The following MARCHF10 variants were observed in gnomAD, a reference collection of about 807,000 sequenced individuals.
MARCHF10 encodes probable E3 ubiquitin-protein ligase MARCHF10.
Under a neutral mutation model 76.2 loss-of-function variants are expected in MARCHF10, and 64 were observed. The observed-to-expected ratio is 0.84, with a 90% CI of 0.69 to 1.03. The LOEUF is 1.03. Among genes scored for constraint, MARCHF10 ranks in the 50% least tolerant of loss-of-function variants. The pLI is 0.00. For synonymous variants in MARCHF10, 340 were observed against 357.5 expected (o/e 0.95, Z 0.55); for missense variants, 875 against 958.0 (o/e 0.91, Z 1.14).
intron 8 of MARCHF10, among the ~76,000 whole-genome samples, chr17:62,720,451 G>A (rs1050897795): frequency 6.6e-6 from 1 of 152,164 alleles, no homozygotes; most frequent in Admixed American, 6.5e-5. Context: ...GGGACAAGAT[G>A]GCTAGAGAGG....
At chr17:62,794,623 T>C (rs932110947) in intron 2 of MARCHF10, among the ~76,000 whole-genome samples, 23 of 152,202 alleles carry the variant, frequency 1.5e-4, no homozygotes, top group Admixed American at 8.5e-4. Context: ...TCCTTTTGTT[T>C]CTTTCATTAT....
intron 5 of MARCHF10, among the ~76,000 whole-genome samples, chr17:62,741,201 T>C (rs577914224): frequency 6.6e-5 from 10 of 152,352 alleles, no homozygotes; most frequent in African/African-American, 2.2e-4. Context: ...TAAAGGTATA[T>C]ATTATAATTT....
intron 10 of MARCHF10, among the ~76,000 whole-genome samples, chr17:62,704,208 GGCGGGGAGCC>G (rs1055629829): frequency 6.6e-6 from 1 of 151,540 alleles, no homozygotes; most frequent in Admixed American, 6.6e-5. Flanking sequence ...GGCGGGCGGC[GGCGGGGAGCC>G]GCGGGGCCGA....
intron 3 of MARCHF10, among the ~76,000 whole-genome samples, chr17:62,769,255 G>C (rs2092396561): frequency 6.6e-6 from 1 of 152,132 alleles, no homozygotes; most frequent in Non-Finnish European, 1.5e-5. Flanking sequence ...TTTTCCCTTT[G>C]TAACTAGCAG....
At chr17:62,717,663 C>T (rs1374166287) in intron 8 of MARCHF10, among the ~76,000 whole-genome samples, 1 of 152,234 alleles carries the variant, frequency 6.6e-6, no homozygotes, top group Non-Finnish European at 1.5e-5. Context: ...TTGCTGTCTT[C>T]TCCTGAAGGC....
rs189523577 is a variant in MARCHF10, at chr17:62,784,940, G to C, written c.210+3540C>G. Among the ~76,000 whole-genome samples the C allele has an allele frequency of 2.3e-3, 353 of 152,248 alleles. 2 individuals are homozygous for C. Among genetic ancestry groups the C allele is most frequent in the African/African-American group, 8.2e-3 (339 of 41,538 alleles). On this transcript the variant is annotated intron_variant, in intron 3 of 10. Transcript: ENST00000311269. Reference sequence around the variant, plus strand: ...GGAAGAATCAATATCATGAAAATTGGCCATATTGCCCAAGGTAATTTATAG... The same window carrying C: ...GGAAGAATCAATATCATGAAAATTGCCCATATTGCCCAAGGTAATTTATAG...
chr17:62,702,313 G>A (rs1332466865), intron 10 of MARCHF10, among the ~76,000 whole-genome samples: 1 of 151,596 alleles, frequency 6.6e-6, no homozygotes, highest in African/African-American at 2.4e-5. Flanking sequence ...GTCTCAATAT[G>A]TTTCTTTCCC....
intron 4 of MARCHF10, chr17:62,750,007 G>C (rs1211641029): frequency 2.6e-5 from 4 of 152,338 alleles, no homozygotes; most frequent in African/African-American, 9.6e-5. Context: ...TTGGTCGCTC[G>C]CTCCTTTGGC....
At chr17:62,704,195 C>T (rs1052394008) in intron 10 of MARCHF10, among the ~76,000 whole-genome samples, 2 of 151,446 alleles carry the variant, frequency 1.3e-5, no homozygotes, top group Non-Finnish European at 2.9e-5. Flanking sequence ...CTGGGACGCG[C>T]GGGGCGGGCG....
chr17:62,717,875 G>C (rs577994486), intron 8 of MARCHF10, among the ~76,000 whole-genome samples: 186 of 152,324 alleles, frequency 1.2e-3, no homozygotes, highest in Non-Finnish European at 2.1e-3. Flanking sequence ...TACTGTCATA[G>C]TTCTTTCTAG....
intron 6 of MARCHF10, among the ~76,000 whole-genome samples, chr17:62,732,477 A>T (rs1366604638): frequency 6.6e-6 from 1 of 152,216 alleles, no homozygotes; most frequent in African/African-American, 2.4e-5. Context: ...TCAACAGGGA[A>T]CTATCCCAAA....
In MARCHF10 at chr17:62,801,631, G is replaced by T; in HGVS notation, c.90+15C>A. 1 of 1,606,662 alleles carries T rather than the reference G, an allele frequency of 6.2e-7. No homozygotes were observed. The highest frequency in any genetic ancestry group is 8.5e-7 in the Non-Finnish European group (1 of 1,173,318). ...CAAGAGAAGGCAGAAGACCATTCTT[G>T]CTTTCTGCAATTACCTGATACTCAG... On this transcript the variant is annotated intron_variant, in intron 2 of 10. Transcript: ENST00000311269.
At chr17:62,729,122 T>C (rs1428251883) in intron 6 of MARCHF10, among the ~76,000 whole-genome samples, 1 of 152,062 alleles carries the variant, frequency 6.6e-6, no homozygotes, top group Non-Finnish European at 1.5e-5. Flanking sequence ...TATTTTTTTT[T>C]TGTAGAGACG....
chr17:62,741,687 T>A (rs2091509481), intron 5 of MARCHF10, among the ~76,000 whole-genome samples: 1 of 152,128 alleles, frequency 6.6e-6, no homozygotes, highest in South Asian at 2.1e-4. Context: ...TTATTAGCCA[T>A]CTGTATTTTT....
chr17:62,765,936 C>T (rs1222864380), intron 3 of MARCHF10, among the ~76,000 whole-genome samples: 6 of 152,116 alleles, frequency 3.9e-5, no homozygotes, highest in Non-Finnish European at 8.8e-5. Flanking sequence ...GGTATGGCAG[C>T]TCACGCCTGT....
chr17:62,744,193 GA>G (rs996845094), intron 5 of MARCHF10, among the ~76,000 whole-genome samples, 182 bp downstream of exon 5: 2 of 151,554 alleles, frequency 1.3e-5, no homozygotes, highest in African/African-American at 2.4e-5. Context: ...TCTCTTGGAG[GA>G]AAAAAAACGC....
chr17:62,714,472 T>C (rs1568099438), intron 8 of MARCHF10: 1 of 959,368 alleles, frequency 1.0e-6, no homozygotes, highest in Non-Finnish European at 1.2e-6. Flanking sequence ...TCCAGGTAAA[T>C]TGTCTGGGCG....
chr17:62,754,165 C>T (rs528956087), intron 4 of MARCHF10, among the ~76,000 whole-genome samples: 1 of 152,122 alleles, frequency 6.6e-6, no homozygotes, highest in Non-Finnish European at 1.5e-5. Context: ...CTCCTCCTCC[C>T]GGGTTCAAGC....
At chr17:62,775,650 T>A (rs2092540276) in intron 3 of MARCHF10, among the ~76,000 whole-genome samples, 1 of 151,924 alleles carries the variant, frequency 6.6e-6, no homozygotes, top group African/African-American at 2.4e-5. Context: ...ATAATTGTAT[T>A]ATAATTTCTG....
Sources: allele counts gnomAD v4.1 joint callset (sites outside exome capture counted in the v4.1 genomes callset), GRCh38; gene constraint gnomAD v4.1.1; transcripts MANE v1.5; gene names NCBI Gene and HGNC (gene_info 2026-07-23, HGNC 2026-07-21).